Variants in CFAP43 observed in about 807,000 individuals in gnomAD.
CFAP43 encodes cilia- and flagella-associated protein 43.
CFAP43 carries 155 observed loss-of-function variants against 218.9 expected under a neutral mutation model. The ratio of observed to expected loss-of-function variants is 0.71; its 90% CI spans 0.62 to 0.81. The LOEUF (loss-of-function observed/expected upper bound fraction) is 0.81, where lower values mean the gene tolerates loss of function less well. Among genes scored for constraint, CFAP43 ranks in the 30% least tolerant of loss-of-function variants. The pLI is 0.00. For missense variants in CFAP43, 1,778 were observed against 1,954.3 expected (o/e 0.91, Z 1.70); for synonymous variants, 645 against 681.3 (o/e 0.95, Z 0.83).
At position 104,140,516 on chromosome 10, in the gene CFAP43, T is replaced by C. The variant is rs149119309; in HGVS notation, c.4431+326A>G. 3.3e-3 allele frequency among the ~76,000 whole-genome samples: 507 copies of C among 152,318 alleles called. 2 individuals are homozygous for C. The highest frequency in any genetic ancestry group is 0.011 in the African/African-American group (471 of 41,574). On this transcript the variant is annotated intron_variant, in intron 34 of 37. Coordinates refer to ENST00000357060, the MANE Select transcript of CFAP43 (RefSeq NM_025145.7). ...GCAATATGTTTTGTCTTTAAACAAG[T>C]ATAATTGGCCAGGTGCAGTGGCTCC...
intron 27 of CFAP43, among the ~76,000 whole-genome samples, chr10:104,158,310 T>C (rs1271726008): frequency 1.3e-5 from 2 of 152,198 alleles, no homozygotes; most frequent in African/African-American, 4.8e-5. Context: ...AGAGAACTTC[T>C]ATAACAAAGA....
At chr10:104,144,563 C>T (rs976680945) in intron 31 of CFAP43, among the ~76,000 whole-genome samples, 2 of 152,168 alleles carry the variant, frequency 1.3e-5, no homozygotes, top group African/African-American at 2.4e-5. Flanking sequence ...GCAGGAGAAA[C>T]GCTTGAACCC....
chr10:104,230,635 AGAT>A lies in CFAP43; in HGVS notation c.271_273del (p.Ile91del). The A allele has an allele frequency of 6.2e-7, 1 of 1,614,220 alleles. No individual in the cohort carries two copies. On this transcript the variant is annotated inframe_deletion, in exon 2 of 38. Transcript: ENST00000357060. ...GTCAATCCTGGAAAGCTGTATACGT[AGAT>A]GAGAGGTTTTAGCTTCCGGTCAGAA...
At position 104,200,671 on chromosome 10, in the gene CFAP43, A is replaced by T. The variant is rs897053682; in HGVS notation, c.1096-2633T>A. On this transcript the variant is annotated intron_variant, in intron 8 of 37. Coordinates refer to ENST00000357060, the MANE Select transcript of CFAP43 (RefSeq NM_025145.7). ...GGGTGACAGAGCAAGACTCTGTCTC[A>T]AAAAAAAAAAAAAAAAAAAAAAAAA... Among the ~76,000 whole-genome samples the T allele has an allele frequency of 7.4e-5, 8 of 107,758 alleles. No individual in the cohort carries two copies. The East Asian group carries it at 2.2e-3, about 29-fold the overall frequency. The allele number at this position is 107,758 out of a possible 152,430, so 70.7% of individuals were successfully genotyped here.
At chr10:104,133,234 G>GCAATATT (rs2087280728) in intron 35 of CFAP43, among the ~76,000 whole-genome samples, 1 of 152,166 alleles carries the variant, frequency 6.6e-6, no homozygotes, top group Non-Finnish European at 1.5e-5. Context: ...CTTGAAGAAC[G>GCAATATT]GCTATATTGA....
At chr10:104,205,711 A>G (rs2090667401) in intron 7 of CFAP43, among the ~76,000 whole-genome samples, 1 of 152,200 alleles carries the variant, frequency 6.6e-6, no homozygotes, top group Non-Finnish European at 1.5e-5. Context: ...CGGAAGGGCA[A>G]TGGATTTTTA....
Position 104,130,265 on chromosome 10 carries a change from A to G in CFAP43, c.4872T>C (p.Tyr1624=), listed in dbSNP as rs1411040493. The part of the protein sequence containing the change: ...LTCEKIVKER[Y]ENMMQQQKLT... ...ACTTCTGCTGTTGCATCATGTTTTCATACCGTTCTTTGACAATCTTTTCAC... is the reference window on the plus strand; with the variant it reads ...ACTTCTGCTGTTGCATCATGTTTTCGTACCGTTCTTTGACAATCTTTTCAC... The change falls in exon 38 of 38, where the codon TAT becomes TAC. Residue 1624 remains tyrosine, a synonymous_variant. Coordinates refer to ENST00000357060, the MANE Select transcript of CFAP43 (RefSeq NM_025145.7). The G allele has an allele frequency of 1.9e-6, 3 of 1,612,596 alleles. No homozygotes were observed. Among genetic ancestry groups the G allele is most frequent in the Admixed American group, 1.7e-5 (1 of 59,714 alleles).
chr10:104,229,636 C>G (rs1381252850), intron 2 of CFAP43, among the ~76,000 whole-genome samples: 3 of 152,066 alleles, frequency 2.0e-5, no homozygotes, highest in African/African-American at 4.8e-5. Flanking sequence ...TGCACTCCAG[C>G]CTGGGTGATA....
chr10:104,166,506 G>C lies in CFAP43; in HGVS notation c.3021C>G (p.Asn1007Lys). The change falls in exon 23 of 38, where the codon AAC (asparagine) becomes AAG (lysine). Residue 1007 changes from asparagine to lysine, a missense_variant. By Grantham distance (94) the Asn-to-Lys change is moderately conservative (BLOSUM62 0). Transcript: ENST00000357060. ...GACCCACTTTCAATAATATAATTTG[G>C]TTGATTTTCTCTTCTCTGGAATGAA... ...LELHSREEKI[N>K]QIILLKDIIY... 1.2e-6 allele frequency: 2 copies of C among 1,612,812 alleles called. No homozygotes were observed. Among genetic ancestry groups the C allele is most frequent in the Non-Finnish European group, 1.7e-6 (2 of 1,179,580 alleles).
intron 2 of CFAP43, among the ~76,000 whole-genome samples, chr10:104,228,761 G>A (rs994262522): frequency 6.6e-6 from 1 of 151,794 alleles, no homozygotes; most frequent in African/African-American, 2.4e-5. Context: ...TAATTGTATG[G>A]GTACTTATTT....
At chr10:104,171,924 A>G (rs2089430623) in intron 20 of CFAP43, among the ~76,000 whole-genome samples, 1 of 152,218 alleles carries the variant, frequency 6.6e-6, no homozygotes, top group Non-Finnish European at 1.5e-5. Flanking sequence ...TATGATGGTC[A>G]TAGGAGCTGG....
At chr10:104,161,813 G>C (rs930334235) in intron 26 of CFAP43, 148 bp downstream of exon 26, 3 of 654,386 alleles carry the variant, frequency 4.6e-6, no homozygotes, top group Non-Finnish European at 7.7e-6. Flanking sequence ...GCCCTAATGT[G>C]GTAGGTTTAT....
intron 17 of CFAP43, among the ~76,000 whole-genome samples, chr10:104,180,364 C>A (rs892518086): frequency 6.6e-6 from 1 of 152,038 alleles, no homozygotes; most frequent in East Asian, 1.9e-4. Context: ...CAACAGCATC[C>A]AAACATGCTC....
chr10:104,148,598 C>T lies in CFAP43; in HGVS notation c.3661-600G>A, dbSNP rs1227539405. ...TATACTCTATTAGTTCCCCTGAGTG[C>T]TGATTGTTAAAGAGAGGATGGCACT... is the stretch of plus-strand genomic sequence containing the variant. On this transcript the variant is annotated intron_variant, in intron 28 of 37. Transcript: ENST00000357060. 2.6e-5 allele frequency among the ~76,000 whole-genome samples: 4 copies of T among 152,080 alleles called. No homozygotes were observed. The East Asian group carries it at 5.8e-4, about 22-fold the overall frequency.
At chr10:104,172,268 A>C in intron 20 of CFAP43, 142 bp downstream of exon 20, 1 of 1,017,304 alleles carries the variant, frequency 9.8e-7, no homozygotes, top group Non-Finnish European at 1.4e-6. Context: ...CATTATACTT[A>C]TATGCACTAT....
chr10:104,172,349 C>T, intron 20 of CFAP43, 61 bp downstream of exon 20: 2 of 1,565,812 alleles, frequency 1.3e-6, no homozygotes, highest in East Asian at 4.6e-5. Context: ...GTTCCCATTC[C>T]TATTATCTTT....
chr10:104,188,097 G>C (rs181687419), intron 13 of CFAP43, among the ~76,000 whole-genome samples, 173 bp downstream of exon 13: 70 of 152,260 alleles, frequency 4.6e-4, no homozygotes, highest in African/African-American at 1.6e-3. Context: ...AAGCCCAGAG[G>C]AAAAGTCCAC....
At chr10:104,231,943 C>T (rs1036629495) in intron 1 of CFAP43, among the ~76,000 whole-genome samples, 2 of 149,806 alleles carry the variant, frequency 1.3e-5, no homozygotes, top group African/African-American at 4.9e-5. Flanking sequence ...GGGTCAGGGT[C>T]GCAGAATAAG....
chr10:104,201,550 C>T (rs576052419), intron 8 of CFAP43, among the ~76,000 whole-genome samples: 34 of 152,174 alleles, frequency 2.2e-4, no homozygotes, highest in South Asian at 1.2e-3. Context: ...TTACTTTAAG[C>T]TTTATTCTCC....
Sources: gnomAD v4.1 joint callset for allele counts (sites outside exome capture counted in the v4.1 genomes callset) on GRCh38, gnomAD v4.1.1 for gene constraint, MANE v1.5 for transcripts, NCBI Gene and HGNC (gene_info 2026-07-23, HGNC 2026-07-21) for gene names.